MPP7: variants seen among roughly 807,000 people sequenced by gnomAD.
The protein encoded by MPP7 is MAGUK p55 subfamily member 7.
MPP7 carries 60 observed loss-of-function variants against 76.5 expected under a neutral mutation model. That is an observed-to-expected ratio of 0.78 (90% CI 0.64 to 0.97). MPP7 has a LOEUF of 0.97. Ranked by LOEUF, MPP7 falls within the 50% of genes least tolerant of loss-of-function variation. MPP7 has a pLI of 0.00. For missense variants in MPP7, 641 were observed against 694.0 expected (o/e 0.92, Z 0.86); for synonymous variants, 237 against 244.5 (o/e 0.97, Z 0.29).
chr10:28,136,197 C>T (rs982875585), intron 5 of MPP7, among the ~76,000 whole-genome samples: 1 of 151,774 alleles, frequency 6.6e-6, no homozygotes, highest in African/African-American at 2.4e-5. Context: ...CCCACTGATC[C>T]TACATTATGG....
intron 2 of MPP7, among the ~76,000 whole-genome samples, chr10:28,319,522 A>G (rs1403908766): frequency 6.6e-6 from 1 of 151,992 alleles, no homozygotes; most frequent in Non-Finnish European, 1.5e-5. Context: ...ACAAAAAAAT[A>G]CAAAAATTAG....
At chr10:28,104,965 T>A (rs758094299) in intron 11 of MPP7, among the ~76,000 whole-genome samples, 7 of 151,974 alleles carry the variant, frequency 4.6e-5, no homozygotes, top group Non-Finnish European at 1.0e-4. Flanking sequence ...TTTGCCATAC[T>A]CAAGGATGGA....
intron 12 of MPP7, among the ~76,000 whole-genome samples, chr10:28,080,396 C>G (rs924022802): frequency 6.6e-5 from 10 of 152,132 alleles, no homozygotes; most frequent in African/African-American, 2.4e-4. Context: ...AATGGGGCCA[C>G]CAAGCTCCCA....
intron 1 of MPP7, among the ~76,000 whole-genome samples, chr10:28,288,092 T>C (rs187611482): frequency 7.2e-5 from 11 of 152,336 alleles, no homozygotes; most frequent in Middle Eastern, 3.4e-3. Context: ...GAAGCAGTTA[T>C]GAGAATCCAG....
intron 2 of MPP7, among the ~76,000 whole-genome samples, chr10:28,223,280 CCA>C (rs1838580217): frequency 6.6e-6 from 1 of 152,196 alleles, no homozygotes; most frequent in African/African-American, 2.4e-5. Flanking sequence ...TGGGCATTTT[CCA>C]CACTAATCAC....
At chr10:28,226,775 C>T (rs1412718038) in intron 2 of MPP7, among the ~76,000 whole-genome samples, 1 of 152,106 alleles carries the variant, frequency 6.6e-6, no homozygotes, top group Non-Finnish European at 1.5e-5. Context: ...GGTTACACTC[C>T]TTACAGCAAA....
At chr10:28,083,956 C>G (rs1852885398) in intron 12 of MPP7, among the ~76,000 whole-genome samples, 1 of 152,170 alleles carries the variant, frequency 6.6e-6, no homozygotes, top group African/African-American at 2.4e-5. Flanking sequence ...CTGTTATAAT[C>G]CAATTGTCAC....
chr10:28,167,322 C>A (rs9416769), intron 3 of MPP7, among the ~76,000 whole-genome samples: 502 of 13,586 alleles, frequency 0.037, 2 homozygotes, highest in Non-Finnish European at 0.065. Context: ...AAAAAACAAA[C>A]AAACAAACAA....
intron 3 of MPP7, among the ~76,000 whole-genome samples, chr10:28,153,966 C>T (rs1449998908): frequency 6.6e-6 from 1 of 152,132 alleles, no homozygotes; most frequent in Non-Finnish European, 1.5e-5. Context: ...CACCTATCTA[C>T]CTCCATATTT....
At chr10:28,269,830 G>A (rs1840264494) in intron 1 of MPP7, among the ~76,000 whole-genome samples, 3 of 152,096 alleles carry the variant, frequency 2.0e-5, no homozygotes, top group African/African-American at 7.2e-5. Context: ...TTAATAAGTA[G>A]TACTTCAAAG....
chr10:28,296,929 C>A (rs1841049564), intron 1 of MPP7, among the ~76,000 whole-genome samples: 1 of 152,036 alleles, frequency 6.6e-6, no homozygotes, highest in Non-Finnish European at 1.5e-5. Flanking sequence ...AAGAGCTAAG[C>A]CGCAGTTTAC....
intron 3 of MPP7, among the ~76,000 whole-genome samples, chr10:28,169,934 T>C (rs1018534460): frequency 3.9e-5 from 6 of 152,224 alleles, no homozygotes; most frequent in Non-Finnish European, 7.3e-5. Flanking sequence ...CTTGCAACGG[T>C]GACTAGGATC....
At chr10:28,124,864 T>C in intron 7 of MPP7, 146 bp downstream of exon 7, 1 of 657,102 alleles carries the variant, frequency 1.5e-6, no homozygotes, top group East Asian at 2.7e-5. Flanking sequence ...TTAAATAGGC[T>C]CTCACATTTC....
chr10:28,059,671 T>A lies in MPP7; in HGVS notation c.1277A>T (p.Glu426Val). Reference protein sequence around the residue: ...EYIFISKHLFETDVQNNKFIE... With the variant: ...EYIFISKHLFVTDVQNNKFIE... ...ATACTTGTTATTTTGTACATCTGTC[T>A]CAAACAAATGCTTGGAAATGAAAAT... Residue 426 changes from glutamate (E) to valine (V), a missense_variant, in exon 14 of 17, where the codon GAG (glutamate) becomes GTG (valine). By Grantham distance (121) the Glu-to-Val change is moderately radical (BLOSUM62 -2). Coordinates refer to ENST00000683449, the MANE Select transcript of MPP7 (RefSeq NM_001318170.2). 6.2e-7 allele frequency: 1 copy of A among 1,613,214 alleles called. No homozygotes were observed. Among genetic ancestry groups the A allele is most frequent in the East Asian group, 2.2e-5 (1 of 44,780 alleles).
chr10:28,203,480 A>G (rs1231097861), intron 2 of MPP7, among the ~76,000 whole-genome samples: 1 of 147,532 alleles, frequency 6.8e-6, no homozygotes, highest in Non-Finnish European at 1.5e-5. Context: ...TGGCCAAAAA[A>G]AGCTAAAACA....
At chr10:28,180,633 C>T (rs1420718645) in intron 3 of MPP7, among the ~76,000 whole-genome samples, 1 of 152,120 alleles carries the variant, frequency 6.6e-6, no homozygotes, top group Non-Finnish European at 1.5e-5. Context: ...TGGTAATAAG[C>T]AATGCCTAAA....
chr10:28,202,223 A>G lies in MPP7; in HGVS notation c.86T>C (p.Val29Ala). The change falls in exon 3 of 17, where the codon GTG becomes GCG. Residue 29 changes from valine (V) to alanine (A), a missense_variant. Coordinates refer to ENST00000683449, the MANE Select transcript of MPP7 (RefSeq NM_001318170.2). ...GAAGGTCAGGTCTTCCTGGCTATCCACATGTGGCTGCAGCTGGGCTGGCAG... is the reference window on the plus strand; with the variant it reads ...GAAGGTCAGGTCTTCCTGGCTATCCGCATGTGGCTGCAGCTGGGCTGGCAG... ...AALPAQLQPH[V>A]DSQEDLTFLW... 1 of 1,613,864 alleles carries G rather than the reference A, an allele frequency of 6.2e-7. No homozygotes were observed. Among genetic ancestry groups the G allele is most frequent in the Non-Finnish European group, 8.5e-7 (1 of 1,179,814 alleles).
chr10:28,155,771 AAAAAAAAAAC>A (rs1836041375), intron 3 of MPP7, among the ~76,000 whole-genome samples: 1 of 151,738 alleles, frequency 6.6e-6, no homozygotes, highest in Non-Finnish European at 1.5e-5. Flanking sequence ...AGAAACTTAA[AAAAAAAAAAC>A]AAAACAAAAC....
chr10:28,117,517 A>G (rs1478804836), intron 11 of MPP7, among the ~76,000 whole-genome samples: 1 of 152,106 alleles, frequency 6.6e-6, no homozygotes, highest in East Asian at 1.9e-4. Context: ...ATGATAACGT[A>G]AGTTTCCTAT....
Sources: gnomAD v4.1 joint callset for allele counts (sites outside exome capture counted in the v4.1 genomes callset) on GRCh38, gnomAD v4.1.1 for gene constraint, MANE v1.5 for transcripts, NCBI Gene and HGNC (gene_info 2026-07-23, HGNC 2026-07-21) for gene names.